SLIT3: variants seen among roughly 807,000 people sequenced by gnomAD.
The protein encoded by SLIT3 is slit homolog 3 protein.
In SLIT3, 68 loss-of-function variants were observed where a neutral mutation model predicts 184.0. That is an observed-to-expected ratio of 0.37 (90% CI 0.30 to 0.45). SLIT3 has a LOEUF of 0.45. Among genes scored for constraint, SLIT3 ranks in the 20% least tolerant of loss-of-function variants. SLIT3 has a pLI of 1.00. For missense variants in SLIT3, 1,707 were observed against 2,026.0 expected, an observed-to-expected ratio of 0.84 and a Z score of 3.02; for synonymous variants, 831 against 828.6, an observed-to-expected ratio of 1.00 and a Z score of -0.05.
chr5:169,193,362 C>T (rs868285060), intron 4 of SLIT3, 117 bp downstream of exon 4: 1 of 820,476 alleles, frequency 1.2e-6, no homozygotes, highest in Non-Finnish European at 2.2e-6. Flanking sequence ...CTCCAAGTCT[C>T]TATGTCAGGG....
At chr5:168,948,533 G>A (rs1205123652) in intron 4 of SLIT3, among the ~76,000 whole-genome samples, 2 of 152,184 alleles carry the variant, frequency 1.3e-5, no homozygotes, top group Non-Finnish European at 2.9e-5. Context: ...TGAGGCAGGT[G>A]TAAGTTGTGG....
intron 4 of SLIT3, among the ~76,000 whole-genome samples, chr5:168,989,536 C>T (rs958715091): frequency 1.3e-5 from 2 of 152,228 alleles, no homozygotes; most frequent in African/African-American, 4.8e-5. Flanking sequence ...CAGCTAACAT[C>T]TCTGCATCTA....
At chr5:169,052,940 C>T (rs1757866954) in intron 4 of SLIT3, among the ~76,000 whole-genome samples, 1 of 151,386 alleles carries the variant, frequency 6.6e-6, no homozygotes, top group Non-Finnish European at 1.5e-5. Context: ...TCCAGGTAAA[C>T]AGGCTGAAAG....
chr5:168,816,045 G>GT (rs1317089980), intron 8 of SLIT3, among the ~76,000 whole-genome samples: 64 of 151,914 alleles, frequency 4.2e-4, no homozygotes, highest in African/African-American at 1.3e-3. Context: ...AATGCTTTCT[G>GT]TTTTTTTTGT....
intron 5 of SLIT3, among the ~76,000 whole-genome samples, chr5:168,877,089 A>T (rs1005618157): frequency 2.0e-5 from 3 of 152,234 alleles, no homozygotes; most frequent in Non-Finnish European, 2.9e-5. Flanking sequence ...TGATTGAAAC[A>T]GGCAGGATAT....
At chr5:168,805,152 T>C (rs940618946) in intron 9 of SLIT3, among the ~76,000 whole-genome samples, 3 of 152,242 alleles carry the variant, frequency 2.0e-5, no homozygotes, top group Non-Finnish European at 4.4e-5. Context: ...CAGGCAGAAA[T>C]GTGTCTGTTT....
intron 3 of SLIT3, among the ~76,000 whole-genome samples, chr5:169,221,399 G>A (rs1293887778): frequency 6.6e-6 from 1 of 152,166 alleles, no homozygotes; most frequent in Non-Finnish European, 1.5e-5. Flanking sequence ...GGGCAGAATC[G>A]TGGACATGAT....
At chr5:168,712,507 C>T in intron 23 of SLIT3, 153 bp from the exon 24 acceptor site, 1 of 662,484 alleles carries the variant, frequency 1.5e-6, no homozygotes. Context: ...GCTCTGGGTG[C>T]ATGAATGTTC....
intron 21 of SLIT3, among the ~76,000 whole-genome samples, chr5:168,723,803 T>A (rs1470130140): frequency 6.6e-6 from 1 of 152,188 alleles, no homozygotes; most frequent in African/African-American, 2.4e-5. Flanking sequence ...CTGAGTTCCA[T>A]GCCCAGGTAT....
intron 4 of SLIT3, among the ~76,000 whole-genome samples, chr5:169,070,964 C>T (rs139189990): frequency 6.6e-6 from 1 of 152,288 alleles, no homozygotes; most frequent in African/African-American, 2.4e-5. Flanking sequence ...AGGTTAGCTA[C>T]TTGGTCCTTG....
At chr5:169,169,148 A>G (rs1762739447) in intron 4 of SLIT3, among the ~76,000 whole-genome samples, 1 of 152,186 alleles carries the variant, frequency 6.6e-6, no homozygotes, top group South Asian at 2.1e-4. Context: ...GATGAAGAGC[A>G]TGAGTTCCAT....
At chr5:169,070,216 C>T (rs1758493798) in intron 4 of SLIT3, among the ~76,000 whole-genome samples, 4 of 152,142 alleles carry the variant, frequency 2.6e-5, no homozygotes, top group South Asian at 2.1e-4. Context: ...GCAGTATGTT[C>T]GAGTGATGTG....
intron 4 of SLIT3, among the ~76,000 whole-genome samples, chr5:168,929,664 G>A (rs1761929405): frequency 6.6e-6 from 1 of 152,190 alleles, no homozygotes; most frequent in Non-Finnish European, 1.5e-5. Flanking sequence ...TTGAGTGGCA[G>A]GTTATTTATC....
chr5:168,871,033 G>A (rs527709209), intron 5 of SLIT3, among the ~76,000 whole-genome samples: 24 of 152,284 alleles, frequency 1.6e-4, no homozygotes, highest in African/African-American at 5.8e-4. Context: ...GAATGCTGGA[G>A]GTCAGAAGTC....
chr5:168,762,873 C>T (rs988022007), intron 14 of SLIT3, among the ~76,000 whole-genome samples, 184 bp from the exon 15 acceptor site: 1 of 152,132 alleles, frequency 6.6e-6, no homozygotes, highest in African/African-American at 2.4e-5. Flanking sequence ...TGTCCCCAGC[C>T]TTACTGCCTC....
At chr5:169,169,088 G>A (rs527257013) in intron 4 of SLIT3, among the ~76,000 whole-genome samples, 4 of 152,210 alleles carry the variant, frequency 2.6e-5, no homozygotes. Context: ...GTAAGCAACA[G>A]CAGCATCCTA....
intron 4 of SLIT3, among the ~76,000 whole-genome samples, chr5:168,921,401 C>T (rs1761631342): frequency 6.6e-6 from 1 of 152,168 alleles, no homozygotes. Context: ...AAGTTCACAT[C>T]TGTTAAAGCA....
intron 4 of SLIT3, chr5:169,018,256 C>G (rs1195801733): frequency 3.3e-5 from 5 of 152,252 alleles, no homozygotes; most frequent in African/African-American, 1.2e-4. Flanking sequence ...CATCGAGAAG[C>G]AGTCCCTTGT....
At chr5:168,961,173 G>T (rs1039561852) in intron 4 of SLIT3, among the ~76,000 whole-genome samples, 1 of 152,146 alleles carries the variant, frequency 6.6e-6, no homozygotes, top group Non-Finnish European at 1.5e-5. Context: ...CTGCGTCTTT[G>T]ACTGGATCAA....
Sources: allele counts gnomAD v4.1 joint callset (sites outside exome capture counted in the v4.1 genomes callset), GRCh38; gene constraint gnomAD v4.1.1; transcripts MANE v1.5; gene names NCBI Gene and HGNC (gene_info 2026-07-23, HGNC 2026-07-21).